The following TRPM3 variants were observed in gnomAD, a reference collection of about 807,000 sequenced individuals.
TRPM3 encodes transient receptor potential cation channel subfamily M member 3, also known as long transient receptor potential channel 3.
TRPM3 carries 77 observed loss-of-function variants against 181.2 expected under a neutral mutation model. That is an observed-to-expected ratio of 0.42 (90% CI 0.35 to 0.51). The LOEUF is 0.51. Ranked by LOEUF, TRPM3 falls within the 20% of genes least tolerant of loss-of-function variation. The pLI, the probability that TRPM3 is intolerant of heterozygous loss-of-function variation, is 0.01. For missense variants in TRPM3, 1,759 were observed against 2,196.7 expected, an observed-to-expected ratio of 0.80 and a Z score of 3.98; for synonymous variants, 745 against 796.4, an observed-to-expected ratio of 0.94 and a Z score of 1.09.
At chr9:71,377,891 G>A (rs974282268) in intron 1 of TRPM3, among the ~76,000 whole-genome samples, 8 of 151,886 alleles carry the variant, frequency 5.3e-5, no homozygotes, top group African/African-American at 1.9e-4. Flanking sequence ...ACCATGTATG[G>A]TTTTTATGTG....
intron 11 of TRPM3, among the ~76,000 whole-genome samples, chr9:70,636,512 G>T (rs2057224182): frequency 6.6e-6 from 1 of 152,114 alleles, no homozygotes; most frequent in Non-Finnish European, 1.5e-5. Context: ...AATCCAAGAT[G>T]CCTAATTAAA....
intron 1 of TRPM3, among the ~76,000 whole-genome samples, chr9:71,264,001 C>A (rs1289502873): frequency 6.6e-6 from 1 of 152,156 alleles, no homozygotes; most frequent in Non-Finnish European, 1.5e-5. Flanking sequence ...CCAGGCTGGT[C>A]TCGAATTCCT....
chr9:70,749,488 T>C (rs2075763907), intron 8 of TRPM3, among the ~76,000 whole-genome samples: 1 of 152,176 alleles, frequency 6.6e-6, no homozygotes. Context: ...AAATACTCAA[T>C]AACTAGCACA....
At chr9:70,921,406 T>A (rs2096651760) in intron 1 of TRPM3, among the ~76,000 whole-genome samples, 1 of 152,232 alleles carries the variant, frequency 6.6e-6, no homozygotes, top group Non-Finnish European at 1.5e-5. Context: ...AAATGCTAAC[T>A]CATCCATGTG....
At chr9:71,336,635 G>T (rs2090575158) in intron 1 of TRPM3, among the ~76,000 whole-genome samples, 1 of 152,106 alleles carries the variant, frequency 6.6e-6, no homozygotes, top group Non-Finnish European at 1.5e-5. Context: ...AAAAGAGCCT[G>T]CATAACCAAG....
At chr9:70,567,942 GAGAGAGAGA>G (rs887649981) in intron 22 of TRPM3, among the ~76,000 whole-genome samples, 1 of 152,098 alleles carries the variant, frequency 6.6e-6, no homozygotes, top group African/African-American at 2.4e-5. Flanking sequence ...ACACACACAG[GAGAGAGAGA>G]AGAGAGAGAT....
At chr9:70,904,096 C>T (rs2096427687) in intron 1 of TRPM3, among the ~76,000 whole-genome samples, 1 of 152,116 alleles carries the variant, frequency 6.6e-6, no homozygotes. Flanking sequence ...GTGGTGCACA[C>T]CTGTAGTCCC....
At chr9:70,906,064 A>T (rs1589681256) in intron 1 of TRPM3, among the ~76,000 whole-genome samples, 2 of 152,162 alleles carry the variant, frequency 1.3e-5, no homozygotes, top group Non-Finnish European at 2.9e-5. Flanking sequence ...TTCTGTTCTC[A>T]AACAAACAAT....
At chr9:71,333,726 G>C (rs992739287) in intron 1 of TRPM3, among the ~76,000 whole-genome samples, 7 of 151,866 alleles carry the variant, frequency 4.6e-5, no homozygotes, top group Admixed American at 3.3e-4. Flanking sequence ...CAGAGGTCCA[G>C]TTATGCTACA....
chr9:71,295,994 G>A (rs1285492277), intron 1 of TRPM3, among the ~76,000 whole-genome samples: 2 of 152,118 alleles, frequency 1.3e-5, no homozygotes, highest in Non-Finnish European at 2.9e-5. Flanking sequence ...CTAGATTTTA[G>A]GGGAGTCGAT....
At chr9:71,274,343 T>C (rs1347562601) in intron 1 of TRPM3, among the ~76,000 whole-genome samples, 1 of 152,226 alleles carries the variant, frequency 6.6e-6, no homozygotes, top group Non-Finnish European at 1.5e-5. Context: ...TGGGTAAGAC[T>C]TAAGAGGCTC....
chr9:71,170,629 A>T (rs1390003536), intron 1 of TRPM3, among the ~76,000 whole-genome samples: 2 of 152,182 alleles, frequency 1.3e-5, no homozygotes, highest in Non-Finnish European at 2.9e-5. Context: ...CAATCTCTAA[A>T]CATAAATTGT....
chr9:71,351,411 AGAT>A (rs1294111871), intron 1 of TRPM3, among the ~76,000 whole-genome samples: 1 of 152,218 alleles, frequency 6.6e-6, no homozygotes, highest in East Asian at 1.9e-4. Flanking sequence ...TCTATAACCT[AGAT>A]GATAATTGAA....
At chr9:70,690,725 T>C (rs1587315730) in intron 8 of TRPM3, among the ~76,000 whole-genome samples, 1 of 152,072 alleles carries the variant, frequency 6.6e-6, no homozygotes, top group Non-Finnish European at 1.5e-5. Context: ...TCTATGTTCA[T>C]CAAGATACGA....
At chr9:70,742,945 A>C (rs1340457756) in intron 8 of TRPM3, among the ~76,000 whole-genome samples, 1 of 152,182 alleles carries the variant, frequency 6.6e-6, no homozygotes, top group Non-Finnish European at 1.5e-5. Context: ...CACCACAATC[A>C]ATCACCAATT....
rs1162577364 is a variant in TRPM3 at position 71,059,011 on chromosome 9, A to ATTTTTTTTTTTTTTTTT, written c.177+62150_177+62166dup. Among the ~76,000 whole-genome samples, 37 of 52,640 alleles carry ATTTTTTTTTTTTTTTTT rather than the reference A, an allele frequency of 7.0e-4. 4 individuals are homozygous for ATTTTTTTTTTTTTTTTT. The highest frequency in any genetic ancestry group is 1.3e-3 in the South Asian group (1 of 762). The allele number at this position is 52,640 out of a possible 152,430, so 34.5% of individuals were successfully genotyped here. A position where few individuals can be genotyped will look rare whatever the true frequency, so the allele number is the denominator to read the frequency against. The stretch of plus-strand genomic sequence containing the variant: ...ATTTCTCTGAAGTTTTTGTTTGTTC[A>ATTTTTTTTTTTTTTTTT]TTTTTTTTTTTTTTTTTTTTTTTTT... On this transcript the variant is annotated intron_variant, in intron 1 of 25. Coordinates refer to ENST00000677713, the MANE Select transcript of TRPM3 (RefSeq NM_001366145.2).
intron 6 of TRPM3, among the ~76,000 whole-genome samples, chr9:70,796,609 T>C (rs1456316477): frequency 2.0e-5 from 3 of 152,242 alleles, no homozygotes; most frequent in African/African-American, 7.2e-5. Flanking sequence ...TATAAATTTG[T>C]CAATCAACTA....
intron 1 of TRPM3, among the ~76,000 whole-genome samples, chr9:71,034,961 T>C (rs1055374212): frequency 2.6e-5 from 4 of 150,966 alleles, no homozygotes; most frequent in African/African-American, 7.2e-5. Flanking sequence ...GGTCAAAATA[T>C]ATAATTTTTT....
chr9:71,306,578 A>G (rs1408906743), intron 1 of TRPM3, among the ~76,000 whole-genome samples: 1 of 152,182 alleles, frequency 6.6e-6, no homozygotes, highest in African/African-American at 2.4e-5. Flanking sequence ...ATTTATTTTC[A>G]AATATGATTT....
Sources: gnomAD v4.1 joint callset for allele counts (sites outside exome capture counted in the v4.1 genomes callset) on GRCh38, gnomAD v4.1.1 for gene constraint, MANE v1.5 for transcripts, NCBI Gene and HGNC (gene_info 2026-07-23, HGNC 2026-07-21) for gene names.